ERBIN: variants seen among roughly 807,000 people sequenced by gnomAD.
The protein encoded by ERBIN is densin-180-like protein.
In ERBIN, 60 loss-of-function variants were observed where a neutral mutation model predicts 158.4. The observed-to-expected ratio is 0.38, with a 90% CI of 0.31 to 0.47. The LOEUF (loss-of-function observed/expected upper bound fraction) is 0.47, where lower values mean the gene tolerates loss of function less well. Ranked by LOEUF, ERBIN falls within the 20% of genes least tolerant of loss-of-function variation. ERBIN has a pLI of 0.99. For missense variants in ERBIN, 1,610 were observed against 1,648.0 expected, an observed-to-expected ratio of 0.98 and a Z score of 0.40; for synonymous variants, 594 against 557.2, an observed-to-expected ratio of 1.07 and a Z score of -0.93.
In ERBIN at chr5:65,991,236, G is replaced by A. The variant is rs866948963; in HGVS notation, c.-9-1474G>A. Among the ~76,000 whole-genome samples the A allele has an allele frequency of 7.9e-5, 12 of 152,208 alleles. No homozygotes were observed. In the Middle Eastern group the frequency reaches 0.017, roughly 216 times the overall value. On this transcript the variant is annotated intron_variant, in intron 2 of 25. Transcript: ENST00000284037. ...AGATCCTGTCTGTATTTTAACATTGGACATTTTGTTTATACATGGATTCTT... is the reference window on the plus strand; with the variant it reads ...AGATCCTGTCTGTATTTTAACATTGAACATTTTGTTTATACATGGATTCTT...
chr5:65,958,099 G>T (rs1313870718), intron 1 of ERBIN, among the ~76,000 whole-genome samples: 5 of 151,960 alleles, frequency 3.3e-5, no homozygotes, highest in African/African-American at 1.2e-4. Flanking sequence ...TCCTAGATGG[G>T]ATGGCGGCCG....
intron 21 of ERBIN, among the ~76,000 whole-genome samples, chr5:66,060,871 T>C (rs1469474927): frequency 6.6e-6 from 1 of 152,262 alleles, no homozygotes; most frequent in African/African-American, 2.4e-5. Context: ...TTCTTAATCC[T>C]GAGTTCTAGT....
At chr5:65,972,607 A>G (rs1430871866) in intron 1 of ERBIN, among the ~76,000 whole-genome samples, 2 of 151,348 alleles carry the variant, frequency 1.3e-5, no homozygotes, top group Admixed American at 1.3e-4. Flanking sequence ...TTTCCTCTCC[A>G]TATCTGTTAT....
At chr5:66,017,423 A>G (rs773826190) in intron 7 of ERBIN, among the ~76,000 whole-genome samples, 4 of 151,400 alleles carry the variant, frequency 2.6e-5, no homozygotes, top group South Asian at 4.1e-4. Flanking sequence ...GTTTTCTCTG[A>G]TTAGTGATGA....
chr5:66,041,035 G>A (rs750496393), intron 15 of ERBIN, among the ~76,000 whole-genome samples: 1 of 151,870 alleles, frequency 6.6e-6, no homozygotes, highest in African/African-American at 2.4e-5. Context: ...ATGAGTCTGA[G>A]GGTTTTTATT....
chr5:65,979,152 C>G (rs540256255), intron 1 of ERBIN, among the ~76,000 whole-genome samples: 1 of 152,136 alleles, frequency 6.6e-6, no homozygotes, highest in Admixed American at 6.5e-5. Flanking sequence ...TATAGTGGGG[C>G]GTGGTGGCTT....
At chr5:66,061,371 CT>C (rs575154369) in intron 21 of ERBIN, among the ~76,000 whole-genome samples, 23 of 151,836 alleles carry the variant, frequency 1.5e-4, no homozygotes, top group African/African-American at 5.3e-4. Context: ...CAACCCCTGC[CT>C]TTTTTTTGTT....
At chr5:66,030,472 A>G (rs1756749655) in intron 14 of ERBIN, among the ~76,000 whole-genome samples, 1 of 151,754 alleles carries the variant, frequency 6.6e-6, no homozygotes, top group Non-Finnish European at 1.5e-5. Flanking sequence ...GCTGGACCCC[A>G]TCTTATGCCA....
At chr5:66,032,992 A>G (rs1300859825) in intron 14 of ERBIN, among the ~76,000 whole-genome samples, 1 of 152,206 alleles carries the variant, frequency 6.6e-6, no homozygotes, top group Non-Finnish European at 1.5e-5. Flanking sequence ...AGTTAGAAGT[A>G]TCTTTGGTAT....
At chr5:66,072,406 C>G in intron 22 of ERBIN, 115 bp downstream of exon 22, 1 of 1,014,652 alleles carries the variant, frequency 9.9e-7, no homozygotes, top group Non-Finnish European at 1.4e-6. Context: ...GCTTTCCCCC[C>G]TTTATTAGTA....
At chr5:65,975,595 T>C (rs1401782834) in intron 1 of ERBIN, among the ~76,000 whole-genome samples, 2 of 152,202 alleles carry the variant, frequency 1.3e-5, no homozygotes, top group Non-Finnish European at 2.9e-5. Context: ...TGTGGGCCAC[T>C]GCGCCCGGCT....
chr5:66,022,051 A>G (rs1345007133), intron 8 of ERBIN, among the ~76,000 whole-genome samples: 2 of 152,130 alleles, frequency 1.3e-5, no homozygotes, highest in Admixed American at 6.5e-5. Flanking sequence ...TTGTTGTTTA[A>G]AAGTGTGGTA....
At chr5:65,931,273 A>G (rs1743343262) in intron 1 of ERBIN, among the ~76,000 whole-genome samples, 1 of 152,228 alleles carries the variant, frequency 6.6e-6, no homozygotes, top group South Asian at 2.1e-4. Flanking sequence ...GTTCTTTGGT[A>G]TCCCAGAAGG....
At chr5:65,967,426 T>G (rs1416117014) in intron 1 of ERBIN, among the ~76,000 whole-genome samples, 1 of 152,234 alleles carries the variant, frequency 6.6e-6, no homozygotes, top group African/African-American at 2.4e-5. Flanking sequence ...ATATTTTTGC[T>G]GCACTGTTTC....
intron 1 of ERBIN, among the ~76,000 whole-genome samples, chr5:65,929,511 C>CT (rs1743095678): frequency 6.6e-6 from 1 of 152,110 alleles, no homozygotes; most frequent in Non-Finnish European, 1.5e-5. Flanking sequence ...CCCTACTTGG[C>CT]TGCTTGCATT....
intron 1 of ERBIN, among the ~76,000 whole-genome samples, chr5:65,941,780 G>C (rs986575858): frequency 6.6e-6 from 1 of 151,320 alleles, no homozygotes; most frequent in East Asian, 1.9e-4. Flanking sequence ...TCGTTTTGTC[G>C]CCCAGGCTGG....
chr5:66,078,620 A>G lies in ERBIN; in HGVS notation c.*90A>G. On this transcript the variant is annotated 3_prime_UTR_variant, in exon 26 of 26. Coordinates refer to ENST00000284037, the MANE Select transcript of ERBIN (RefSeq NM_001253697.2). ...TAATATTTTGACTATTTTTATATAT[A>G]AAGAAGAACTCAAAAAATTATGTTC... 2.5e-6 allele frequency: 2 copies of G among 787,514 alleles called. No homozygotes were observed. The highest frequency in any genetic ancestry group is 4.2e-6 in the Non-Finnish European group (2 of 476,428). 48.8% of individuals were successfully genotyped at this position (787,514 alleles called of 1,614,324 possible).
At chr5:65,955,006 A>T (rs1343936093) in intron 1 of ERBIN, among the ~76,000 whole-genome samples, 2 of 152,126 alleles carry the variant, frequency 1.3e-5, no homozygotes, top group Non-Finnish European at 1.5e-5. Flanking sequence ...CGGAGGTTGC[A>T]GTGAGCTGAA....
intron 1 of ERBIN, among the ~76,000 whole-genome samples, chr5:65,985,898 T>C (rs13161887): frequency 6.6e-6 from 1 of 152,228 alleles, no homozygotes; most frequent in Non-Finnish European, 1.5e-5. Flanking sequence ...TAAGTCCTTA[T>C]TAACAGAGTT....
Sources: gnomAD v4.1 joint callset for allele counts (sites outside exome capture counted in the v4.1 genomes callset) on GRCh38, gnomAD v4.1.1 for gene constraint, MANE v1.5 for transcripts, NCBI Gene and HGNC (gene_info 2026-07-23, HGNC 2026-07-21) for gene names.